The following PIK3C2G variants were observed in gnomAD, a reference collection of about 807,000 sequenced individuals.
The protein encoded by PIK3C2G is phosphatidylinositol 3-kinase C2 domain-containing subunit gamma.
A neutral mutation model predicts 181.1 loss-of-function variants in PIK3C2G; 168 were observed. The observed-to-expected ratio is 0.93, with a 90% confidence interval of 0.82 to 1.05. The LOEUF is 1.05. Among genes scored for constraint, PIK3C2G ranks in the 50% least tolerant of loss-of-function variants. The pLI is 0.00. For missense variants in PIK3C2G, 1,869 were observed against 1,732.8 expected (o/e 1.08, Z -1.40); for synonymous variants, 573 against 592.2 (o/e 0.97, Z 0.47).
intron 30 of PIK3C2G, among the ~76,000 whole-genome samples, chr12:18,600,988 T>G (rs1947677630): frequency 6.6e-6 from 1 of 152,050 alleles, no homozygotes; most frequent in African/African-American, 2.4e-5. Context: ...ACCAATAGTT[T>G]CAAGGATTAC....
chr12:18,557,518 C>G (rs912247393), intron 26 of PIK3C2G, among the ~76,000 whole-genome samples: 8 of 151,878 alleles, frequency 5.3e-5, no homozygotes, highest in Non-Finnish European at 1.0e-4. Flanking sequence ...TAGCTAAAAA[C>G]CTACAGAAAA....
the PIK3C2G span, among the ~76,000 whole-genome samples, chr12:18,671,727 A>AT: frequency 0.012 from 1,785 of 152,266 alleles, 32 homozygotes; most frequent in African/African-American, 0.041. Context: ...GGAAATTTGA[A>AT]TTTTTTTCCA....
intron 1 of PIK3C2G, among the ~76,000 whole-genome samples, chr12:18,250,880 C>A (rs990805144): frequency 4.6e-5 from 7 of 151,822 alleles, no homozygotes; most frequent in Non-Finnish European, 1.0e-4. Flanking sequence ...GTATTATACT[C>A]AAAATATACG....
intron 24 of PIK3C2G, among the ~76,000 whole-genome samples, chr12:18,516,104 A>T (rs1367930085): frequency 6.6e-6 from 1 of 152,186 alleles, no homozygotes; most frequent in East Asian, 1.9e-4. Flanking sequence ...ACATGTTAGC[A>T]TTCTTTTCAT....
rs1019028798 is a variant in PIK3C2G, at chr12:18,394,733, T to C, written c.2126+3481T>C. On this transcript the variant is annotated intron_variant, in intron 15 of 32. Coordinates refer to ENST00000538779, the MANE Select transcript of PIK3C2G (RefSeq NM_001288772.2). ...AACGGTGAGCTTGAAGACAGGGCAATAGGAATTATCCCCCATGTTGAGGTA... is the reference window on the plus strand; with the variant it reads ...AACGGTGAGCTTGAAGACAGGGCAACAGGAATTATCCCCCATGTTGAGGTA... Among the ~76,000 whole-genome samples, 4 of 151,832 alleles carry C rather than the reference T, an allele frequency of 2.6e-5. No homozygotes were observed. The East Asian group carries it at 5.8e-4, about 22-fold the overall frequency.
At chr12:18,311,495 G>GAC (rs1950634701) in intron 5 of PIK3C2G, among the ~76,000 whole-genome samples, 1 of 150,558 alleles carries the variant, frequency 6.6e-6, no homozygotes, top group African/African-American at 2.4e-5. Context: ...TATATAGATA[G>GAC]ACACACACAT....
intron 1 of PIK3C2G, among the ~76,000 whole-genome samples, chr12:18,266,541 T>G (rs913277031): frequency 1.5e-4 from 23 of 152,176 alleles, no homozygotes; most frequent in African/African-American, 5.3e-4. Context: ...AGTTCCCTAT[T>G]ATTGAGTTCT....
chr12:18,642,029 G>A (rs536908079), intron 32 of PIK3C2G, among the ~76,000 whole-genome samples: 3 of 152,220 alleles, frequency 2.0e-5, no homozygotes, highest in South Asian at 2.1e-4. Context: ...GATTACAGGC[G>A]TGAGCCACCA....
At chr12:18,563,905 C>T (rs1158360338) in intron 28 of PIK3C2G, among the ~76,000 whole-genome samples, 1 of 150,160 alleles carries the variant, frequency 6.7e-6, no homozygotes, top group Non-Finnish European at 1.5e-5. Flanking sequence ...AATATAAAGC[C>T]TATATATACA....
intron 5 of PIK3C2G, among the ~76,000 whole-genome samples, chr12:18,311,944 G>C (rs1950654639): frequency 6.6e-6 from 1 of 152,156 alleles, no homozygotes. Context: ...GAGTCCCAAA[G>C]CTGAAGAACT....
At chr12:18,314,608 G>A (rs1312474511) in intron 6 of PIK3C2G, 1 of 152,290 alleles carries the variant, frequency 6.6e-6, no homozygotes, top group East Asian at 1.9e-4. Context: ...CCTATAGAAC[G>A]AAGAGAAATA....
chr12:18,548,522 T>A (rs1304286247), intron 26 of PIK3C2G, among the ~76,000 whole-genome samples: 1 of 151,994 alleles, frequency 6.6e-6, no homozygotes, highest in African/African-American at 2.4e-5. Context: ...AAGAGCATAA[T>A]CTTGGATATC....
At chr12:18,444,226 C>T (rs1426794234) in intron 18 of PIK3C2G, among the ~76,000 whole-genome samples, 5 of 152,132 alleles carry the variant, frequency 3.3e-5, no homozygotes, top group Non-Finnish European at 7.4e-5. Flanking sequence ...AACGGCCACC[C>T]CTGTCTTTAC....
chr12:18,644,481 A>G (rs951311204), intron 32 of PIK3C2G, among the ~76,000 whole-genome samples: 1 of 152,142 alleles, frequency 6.6e-6, no homozygotes, highest in African/African-American at 2.4e-5. Flanking sequence ...ATTCTGTTGT[A>G]AGGTGTAAAG....
At chr12:18,455,702 C>A (rs1947588303) in intron 18 of PIK3C2G, among the ~76,000 whole-genome samples, 1 of 152,038 alleles carries the variant, frequency 6.6e-6, no homozygotes, top group Admixed American at 6.6e-5. Context: ...TCTCACATGG[C>A]CAAAGGGATA....
intron 18 of PIK3C2G, among the ~76,000 whole-genome samples, chr12:18,474,766 G>C (rs908744305): frequency 1.3e-5 from 2 of 152,086 alleles, no homozygotes; most frequent in African/African-American, 2.4e-5. Flanking sequence ...TCTAAAGATA[G>C]AGCATGTAAA....
intron 19 of PIK3C2G, among the ~76,000 whole-genome samples, chr12:18,489,359 G>A (rs1940351670): frequency 6.6e-6 from 1 of 152,026 alleles, no homozygotes; most frequent in African/African-American, 2.4e-5. Flanking sequence ...ACCAAAACAT[G>A]AGTTTTGTCC....
chr12:18,484,242 A>T (rs1026991282), intron 18 of PIK3C2G, among the ~76,000 whole-genome samples: 30 of 152,184 alleles, frequency 2.0e-4, no homozygotes, highest in African/African-American at 7.0e-4. Flanking sequence ...GCTGGGAACA[A>T]TAATGAAATC....
intron 1 of PIK3C2G, among the ~76,000 whole-genome samples, chr12:18,271,736 C>T (rs2137056887): frequency 6.6e-6 from 1 of 152,248 alleles, no homozygotes; most frequent in East Asian, 1.9e-4. Flanking sequence ...TCTTAACCGT[C>T]TTTAAAAAAG....
Sources: gnomAD v4.1 joint callset for allele counts (sites outside exome capture counted in the v4.1 genomes callset) on GRCh38, gnomAD v4.1.1 for gene constraint, MANE v1.5 for transcripts, NCBI Gene and HGNC (gene_info 2026-07-23, HGNC 2026-07-21) for gene names.